MAPRE1: variants seen among roughly 807,000 people sequenced by gnomAD.
MAPRE1 encodes microtubule associated protein RP/EB family member 1, also known as microtubule-associated protein RP/EB family member 1.
MAPRE1 carries 5 observed loss-of-function variants against 32.1 expected under a neutral mutation model. That is an observed-to-expected ratio of 0.16 (90% CI 0.08 to 0.33). MAPRE1 has a LOEUF of 0.33. Among genes scored for constraint, MAPRE1 ranks in the 10% least tolerant of loss-of-function variants. MAPRE1 has a pLI of 1.00. For synonymous variants in MAPRE1, 122 were observed against 118.9 expected (o/e 1.03, Z -0.17); for missense variants, 209 against 327.2 (o/e 0.64, Z 2.79).
intron 2 of MAPRE1, among the ~76,000 whole-genome samples, chr20:32,827,937 C>CTT (rs112031443): frequency 3.1e-4 from 44 of 141,720 alleles, no homozygotes; most frequent in East Asian, 1.0e-3. Flanking sequence ...AGGATTTTTT[C>CTT]TTTTTTTTTT....
chr20:32,821,436 C>T (rs563241788), intron 1 of MAPRE1, among the ~76,000 whole-genome samples: 1 of 152,234 alleles, frequency 6.6e-6, no homozygotes, highest in Non-Finnish European at 1.5e-5. Flanking sequence ...CTCTTAACCT[C>T]TTTATTACAC....
chr20:32,842,096 A>AT (rs1418269562), intron 5 of MAPRE1, among the ~76,000 whole-genome samples: 1 of 150,278 alleles, frequency 6.7e-6, no homozygotes. Flanking sequence ...TTTTATTTTT[A>AT]TTTTTTTGAC....
intron 1 of MAPRE1, among the ~76,000 whole-genome samples, chr20:32,820,264 A>G (rs573787874): frequency 2.7e-3 from 380 of 139,602 alleles, no homozygotes; most frequent in Non-Finnish European, 4.3e-3. Context: ...GGCTGCTGCT[A>G]CGCGGGGTGG....
intron 4 of MAPRE1, among the ~76,000 whole-genome samples, chr20:32,838,764 T>C (rs1983270318): frequency 1.3e-5 from 2 of 152,210 alleles, no homozygotes; most frequent in South Asian, 2.1e-4. Context: ...ATTTAGTCTT[T>C]GGGATAAACG....
chr20:32,825,182 C>CA (rs1355390737), intron 1 of MAPRE1, among the ~76,000 whole-genome samples: 1 of 144,552 alleles, frequency 6.9e-6, no homozygotes, highest in Non-Finnish European at 1.5e-5. Flanking sequence ...AACAAACAAA[C>CA]AAAAAACCAT....
chr20:32,824,393 T>C (rs2146120590), intron 1 of MAPRE1, among the ~76,000 whole-genome samples: 2 of 152,328 alleles, frequency 1.3e-5, no homozygotes, highest in South Asian at 4.1e-4. Flanking sequence ...GGGAAGAGAA[T>C]GTGGAGGCTG....
chr20:32,821,476 C>G (rs1318576104), intron 1 of MAPRE1, among the ~76,000 whole-genome samples: 1 of 152,236 alleles, frequency 6.6e-6, no homozygotes, highest in African/African-American at 2.4e-5. Context: ...GCTACACATC[C>G]AGATGTGCCC....
chr20:32,848,045 ATTT>A (rs754492387), intron 6 of MAPRE1, among the ~76,000 whole-genome samples: 2 of 145,116 alleles, frequency 1.4e-5, no homozygotes, highest in East Asian at 4.0e-4. Flanking sequence ...TTTGAGGGAA[ATTT>A]TTTTTTTTTT....
At chr20:32,827,843 C>T (rs977876760) in intron 2 of MAPRE1, among the ~76,000 whole-genome samples, 5 of 150,188 alleles carry the variant, frequency 3.3e-5, no homozygotes, top group Non-Finnish European at 5.9e-5. Flanking sequence ...TGCAGTGAGC[C>T]GAGATCATGC....
rs1983599890 is a variant in MAPRE1 at position 32,849,836 on chromosome 20, A to T, written c.*1108A>T. On this transcript the variant is annotated 3_prime_UTR_variant, in exon 7 of 7. Coordinates refer to ENST00000375571, the MANE Select transcript of MAPRE1 (RefSeq NM_012325.3). ...CGGTATCTGCTGTTCACAGCTCTCC[A>T]CTGTAATCCGAATACTTTGCCAGTG... 1 of 152,610 alleles carries T rather than the reference A, an allele frequency of 6.6e-6. No homozygotes were observed. The highest frequency in any genetic ancestry group is 2.4e-5 in the African/African-American group (1 of 41,454). The allele number at this position is 152,610 out of a possible 1,614,324, so 9.5% of individuals were successfully genotyped here.
intron 5 of MAPRE1, among the ~76,000 whole-genome samples, chr20:32,845,279 G>A (rs950254643): frequency 7.9e-5 from 12 of 152,106 alleles, no homozygotes; most frequent in African/African-American, 2.9e-4. Flanking sequence ...GGCCTCAAGC[G>A]ATCCTCTCAC....
chr20:32,825,896 G>A, intron 1 of MAPRE1, 29 bp from the exon 2 acceptor site: 3 of 1,560,790 alleles, frequency 1.9e-6, no homozygotes, highest in Non-Finnish European at 2.6e-6. Flanking sequence ...ATGTAACACA[G>A]GCCCTTCTCT....
At chr20:32,848,601 G>A (rs1983568611) in intron 6 of MAPRE1, 71 bp from the exon 7 acceptor site, 3 of 1,186,512 alleles carry the variant, frequency 2.5e-6, no homozygotes, top group Admixed American at 3.7e-5. Context: ...GAGGCTGTAA[G>A]TATGAGGAAA....
intron 2 of MAPRE1, among the ~76,000 whole-genome samples, chr20:32,832,942 C>CAA (rs1308556096): frequency 7.5e-6 from 1 of 133,358 alleles, no homozygotes; most frequent in African/African-American, 2.9e-5. Flanking sequence ...GACTCTGTCT[C>CAA]AAAAAAAATA....
chr20:32,841,896 A>T (rs145246339), intron 5 of MAPRE1, among the ~76,000 whole-genome samples: 1 of 152,120 alleles, frequency 6.6e-6, no homozygotes, highest in Non-Finnish European at 1.5e-5. Context: ...TTTGTTGCCA[A>T]TACCACTGGG....
chr20:32,822,469 G>T (rs977453204), intron 1 of MAPRE1, among the ~76,000 whole-genome samples: 1 of 152,166 alleles, frequency 6.6e-6, no homozygotes, highest in African/African-American at 2.4e-5. Context: ...GTGCATCTCC[G>T]TGCAAGATGG....
intron 1 of MAPRE1, among the ~76,000 whole-genome samples, chr20:32,824,904 C>T (rs1439315920): frequency 6.6e-6 from 1 of 151,590 alleles, no homozygotes; most frequent in Non-Finnish European, 1.5e-5. Flanking sequence ...GTAATCCCAG[C>T]ACTTTGGGAG....
rs941296121 is a variant in MAPRE1 at position 32,849,288 on chromosome 20, C to G, written c.*560C>G. ...CAGGGCTGCTTGAACCCTCATAGGC[C>G]TAGGCTTTGGTCTAAAAGGAACATT... On this transcript the variant is annotated 3_prime_UTR_variant, in exon 7 of 7. Transcript: ENST00000375571. 1.3e-5 allele frequency: 2 copies of G among 152,202 alleles called. No individual in the cohort carries two copies. Among genetic ancestry groups the G allele is most frequent in the Non-Finnish European group, 2.9e-5 (2 of 68,052 alleles). 9.4% of individuals were successfully genotyped at this position (152,202 alleles called of 1,614,324 possible). A position where few individuals can be genotyped will look rare whatever the true frequency, so the allele number is the denominator to read the frequency against.
chr20:32,819,789 G>A (rs1344862583), upstream of MAPRE1: 1 of 152,230 alleles, frequency 6.6e-6, no homozygotes, highest in Admixed American at 6.5e-5. Flanking sequence ...CGGCGGTCGG[G>A]GCCCCGCCCC....
Sources: allele counts gnomAD v4.1 joint callset (sites outside exome capture counted in the v4.1 genomes callset), GRCh38; gene constraint gnomAD v4.1.1; transcripts MANE v1.5; gene names NCBI Gene and HGNC (gene_info 2026-07-23, HGNC 2026-07-21).